CPA6: variants seen among roughly 807,000 people sequenced by gnomAD.
The protein encoded by CPA6 is carboxypeptidase A6.
Under a neutral mutation model 63.3 loss-of-function variants are expected in CPA6, and 58 were observed. That is an observed-to-expected ratio of 0.92 (90% CI 0.74 to 1.14). The LOEUF (loss-of-function observed/expected upper bound fraction) is 1.14. Ranked by LOEUF, CPA6 falls within the 50% of genes most tolerant of loss-of-function variation. The probability of loss-of-function intolerance (pLI) is 0.00; values close to 1 mark genes in which losing one functional copy is unlikely to be tolerated. For synonymous variants in CPA6, 185 were observed against 179.0 expected, an observed-to-expected ratio of 1.03 and a Z score of -0.27; for missense variants, 565 against 526.6, an observed-to-expected ratio of 1.07 and a Z score of -0.71.
chr8:67,572,727 T>C (rs974444031), intron 2 of CPA6, among the ~76,000 whole-genome samples: 36 of 152,348 alleles, frequency 2.4e-4, no homozygotes, highest in African/African-American at 7.9e-4. Context: ...CTAATACTAA[T>C]TCTCTACAGA....
intron 2 of CPA6, among the ~76,000 whole-genome samples, chr8:67,563,122 A>G (rs961314122): frequency 7.8e-5 from 4 of 51,550 alleles, no homozygotes; most frequent in East Asian, 6.4e-4. Flanking sequence ...AATGAAGAGA[A>G]AAAAAAAAAC....
At chr8:67,671,608 A>G (rs1816345815) in intron 1 of CPA6, among the ~76,000 whole-genome samples, 2 of 152,180 alleles carry the variant, frequency 1.3e-5, no homozygotes, top group African/African-American at 4.8e-5. Flanking sequence ...GCTTTCCTCG[A>G]ATCTGAAACA....
chr8:67,422,358 CAA>C lies in CPA6; in HGVS notation c.*144_*145del. On this transcript the variant is annotated 3_prime_UTR_variant, in exon 11 of 11. Transcript: ENST00000297770. ...TGTTTTTTACTGTTTTCTATTGCCA[CAA>C]AGTCAAATTGCGTGGGGTCTTTTTA... The C allele has an allele frequency of 1.7e-6, 1 of 577,276 alleles. No individual in the cohort carries two copies. The highest frequency in any genetic ancestry group is 2.7e-5 in the East Asian group (1 of 37,028). 35.8% of individuals were successfully genotyped at this position (577,276 alleles called of 1,614,324 possible). A position where few individuals can be genotyped will look rare whatever the true frequency, so the allele number is the denominator to read the frequency against.
intron 1 of CPA6, among the ~76,000 whole-genome samples, chr8:67,695,181 C>T (rs1816890654): frequency 6.6e-6 from 1 of 152,136 alleles, no homozygotes; most frequent in Non-Finnish European, 1.5e-5. Context: ...CTTTCCCTAG[C>T]CACTCCTATT....
rs192248918 is a variant in CPA6 at position 67,494,172 on chromosome 8, A to G, written c.637-9383T>C. Among the ~76,000 whole-genome samples, 94 of 152,118 alleles carry G rather than the reference A, an allele frequency of 6.2e-4. No individual in the cohort carries two copies. In the East Asian group the frequency reaches 0.016, roughly 27 times the overall value. On this transcript the variant is annotated intron_variant, in intron 6 of 10. Coordinates refer to ENST00000297770, the MANE Select transcript of CPA6 (RefSeq NM_020361.5). ...ATATCTATATAACTCTCAGACACAG[A>G]TTTTGCAAAATTGAATTATATTGTC... is the stretch of plus-strand genomic sequence containing the variant.
intron 6 of CPA6, among the ~76,000 whole-genome samples, chr8:67,489,886 A>C (rs183414492): frequency 2.0e-5 from 3 of 152,294 alleles, no homozygotes; most frequent in Admixed American, 6.5e-5. Context: ...TCATTTCTAA[A>C]TAATATATTA....
chr8:67,619,388 G>A (rs554763619), intron 2 of CPA6, among the ~76,000 whole-genome samples: 11 of 152,244 alleles, frequency 7.2e-5, no homozygotes, highest in South Asian at 2.1e-4. Context: ...CAGAAGTCCC[G>A]ACATGGCTGG....
chr8:67,702,451 T>A (rs1817046350), intron 1 of CPA6, among the ~76,000 whole-genome samples: 1 of 152,004 alleles, frequency 6.6e-6, no homozygotes, highest in South Asian at 2.1e-4. Flanking sequence ...CAGGTGATCA[T>A]CAGGAGATGG....
At chr8:67,427,542 G>T (rs1809920624) in intron 10 of CPA6, among the ~76,000 whole-genome samples, 1 of 152,050 alleles carries the variant, frequency 6.6e-6, no homozygotes, top group Non-Finnish European at 1.5e-5. Flanking sequence ...GTGATCTCTG[G>T]CTCTGCTATA....
intron 1 of CPA6, among the ~76,000 whole-genome samples, chr8:67,715,932 T>A (rs2129000967): frequency 6.6e-6 from 1 of 152,156 alleles, no homozygotes; most frequent in Non-Finnish European, 1.5e-5. Context: ...GACGGGTGGA[T>A]CACCTAAGGT....
chr8:67,536,334 A>C (rs937116018), intron 2 of CPA6, among the ~76,000 whole-genome samples: 3 of 152,154 alleles, frequency 2.0e-5, no homozygotes, highest in African/African-American at 7.2e-5. Flanking sequence ...ATGAGCATGG[A>C]ATCTTTTTCC....
At chr8:67,566,013 G>A (rs577625523) in intron 2 of CPA6, among the ~76,000 whole-genome samples, 3 of 152,260 alleles carry the variant, frequency 2.0e-5, no homozygotes, top group African/African-American at 7.2e-5. Context: ...GCTGATTCAT[G>A]ATTTTCATTT....
At chr8:67,741,241 A>G (rs1817907604) in intron 1 of CPA6, among the ~76,000 whole-genome samples, 1 of 152,198 alleles carries the variant, frequency 6.6e-6, no homozygotes, top group African/African-American at 2.4e-5. Context: ...TAATACGAGC[A>G]TATTACTTGG....
intron 3 of CPA6, among the ~76,000 whole-genome samples, chr8:67,517,351 A>G (rs1275323334): frequency 6.6e-6 from 1 of 151,772 alleles, no homozygotes; most frequent in African/African-American, 2.4e-5. Flanking sequence ...AGTGTTTCCT[A>G]TCCCCTTCAC....
At chr8:67,571,226 G>A (rs1249127557) in intron 2 of CPA6, among the ~76,000 whole-genome samples, 3 of 151,908 alleles carry the variant, frequency 2.0e-5, no homozygotes, top group African/African-American at 7.3e-5. Context: ...GATCTGAAGG[G>A]AGAGAGAGAT....
chr8:67,721,216 G>A (rs1292788629), intron 1 of CPA6, among the ~76,000 whole-genome samples: 1 of 152,154 alleles, frequency 6.6e-6, no homozygotes, highest in East Asian at 1.9e-4. Context: ...AGGTCCTCTC[G>A]GACTTTGTTG....
chr8:67,429,816 AT>A (rs1299754586), intron 9 of CPA6: 1 of 152,134 alleles, frequency 6.6e-6, no homozygotes, highest in African/African-American at 2.4e-5. Context: ...GGCAAAAAAA[AT>A]CTAAGAAAAA....
intron 6 of CPA6, among the ~76,000 whole-genome samples, chr8:67,487,963 G>C (rs989950121): frequency 1.4e-4 from 21 of 152,206 alleles, no homozygotes; most frequent in Non-Finnish European, 2.4e-4. Context: ...CCCTTTGTCA[G>C]ATGGGTAGAT....
intron 1 of CPA6, among the ~76,000 whole-genome samples, chr8:67,707,987 G>A (rs1414366412): frequency 6.6e-5 from 10 of 151,592 alleles, no homozygotes; most frequent in East Asian, 1.9e-4. Flanking sequence ...CTTATACCTT[G>A]TCTACACAGT....
Sources: allele counts gnomAD v4.1 joint callset (sites outside exome capture counted in the v4.1 genomes callset), GRCh38; gene constraint gnomAD v4.1.1; transcripts MANE v1.5; gene names NCBI Gene and HGNC (gene_info 2026-07-23, HGNC 2026-07-21).